GPX6: variants seen among roughly 807,000 people sequenced by gnomAD.
GPX6 encodes the protein glutathione peroxidase 6, also known as glutathione peroxidase 6 (olfactory).
GPX6 carries 21 observed loss-of-function variants against 20.0 expected under a neutral mutation model. The ratio of observed to expected loss-of-function variants is 1.05; its 90% CI spans 0.74 to 1.51. The LOEUF is 1.51. GPX6 is among the 40% of genes most tolerant of loss of function. The pLI is 0.00. For synonymous variants in GPX6, 75 were observed against 98.0 expected (o/e 0.77, Z 1.38); for missense variants, 233 against 254.7 (o/e 0.91, Z 0.58).
At chr6:28,512,689 A>C (rs1453288787) in intron 1 of GPX6, among the ~76,000 whole-genome samples, 1 of 152,128 alleles carries the variant, frequency 6.6e-6, no homozygotes, top group Non-Finnish European at 1.5e-5. Context: ...CTTTGCAATA[A>C]GTCTTGCTGC....
chr6:28,510,607 G>T, intron 2 of GPX6, 144 bp downstream of exon 2: 1 of 701,382 alleles, frequency 1.4e-6, no homozygotes, highest in Non-Finnish European at 2.3e-6. Context: ...AAGGAGCAGA[G>T]CAGGAGCAGC....
intron 2 of GPX6, 90 bp downstream of exon 2, chr6:28,510,661 C>A: frequency 5.3e-6 from 7 of 1,331,982 alleles, no homozygotes; most frequent in Non-Finnish European, 7.3e-6. Context: ...CCATCGCATC[C>A]TCCAATAACA....
At chr6:28,508,560 C>G (rs1226100765) in intron 2 of GPX6, among the ~76,000 whole-genome samples, 1 of 151,898 alleles carries the variant, frequency 6.6e-6, no homozygotes, top group African/African-American at 2.4e-5. Context: ...AATCCCAGCA[C>G]TTTGGGAGAT....
At chr6:28,512,254 G>A (rs1456369908) in intron 1 of GPX6, among the ~76,000 whole-genome samples, 1 of 152,268 alleles carries the variant, frequency 6.6e-6, no homozygotes, top group Admixed American at 6.5e-5. Context: ...GGGCTCCTGA[G>A]TCTGGTGGGG....
chr6:28,512,685 A>G (rs1762911455), intron 1 of GPX6, among the ~76,000 whole-genome samples: 1 of 152,140 alleles, frequency 6.6e-6, no homozygotes, highest in South Asian at 2.1e-4. Flanking sequence ...CGCTCTTTGC[A>G]ATAAGTCTTG....
chr6:28,513,593 AAAG>A (rs1424093162), intron 1 of GPX6, among the ~76,000 whole-genome samples: 1 of 152,208 alleles, frequency 6.6e-6, no homozygotes, highest in African/African-American at 2.4e-5. Flanking sequence ...CTCATGAATT[AAAG>A]TTCATAAAAT....
intron 1 of GPX6, among the ~76,000 whole-genome samples, chr6:28,512,807 G>A (rs1266091012): frequency 1.3e-5 from 2 of 152,064 alleles, no homozygotes; most frequent in Non-Finnish European, 2.9e-5. Flanking sequence ...CGGGAGGAAT[G>A]AACAACTCCA....
chr6:28,511,718 G>A (rs914846313), intron 1 of GPX6, among the ~76,000 whole-genome samples: 19 of 152,250 alleles, frequency 1.2e-4, no homozygotes, highest in African/African-American at 4.1e-4. Context: ...CGCCTCCTCG[G>A]CCTTGGCGCC....
At chr6:28,512,280 A>G (rs1762895186) in intron 1 of GPX6, among the ~76,000 whole-genome samples, 1 of 152,204 alleles carries the variant, frequency 6.6e-6, no homozygotes, top group Non-Finnish European at 1.5e-5. Flanking sequence ...GAGAACCTTT[A>G]TGTCTAGCTA....
intron 2 of GPX6, 68 bp from the exon 3 acceptor site, chr6:28,506,497 C>G (rs1762808000): frequency 1.2e-6 from 1 of 834,502 alleles, no homozygotes. Context: ...TGAAAGATCA[C>G]TGAATGTATC....
intron 1 of GPX6, among the ~76,000 whole-genome samples, chr6:28,512,451 CTG>C (rs746359732): frequency 3.0e-5 from 4 of 131,956 alleles, no homozygotes; most frequent in Non-Finnish European, 4.9e-5. Context: ...TGTGGACACT[CTG>C]TATCTAGCTA....
At chr6:28,511,334 A>C (rs1448180164) in intron 1 of GPX6, among the ~76,000 whole-genome samples, 1 of 152,214 alleles carries the variant, frequency 6.6e-6, no homozygotes, top group Non-Finnish European at 1.5e-5. Context: ...CCTGTCCCCC[A>C]AAATCAGGCC....
chr6:28,504,466 GC>G lies in GPX6; in HGVS notation c.491del (p.Gly164AlafsTer?), dbSNP rs778611138. The part of the protein sequence containing the change: ...NSCPPTSDLL[G>X]SSSQLFWEPM... The stretch of plus-strand genomic sequence containing the variant: ...GCTCCCAGAAGAGTTGGCTTGATGA[GC>G]CCAAAAGATCAGAGGTCGGAGGGCA... On this transcript the variant is annotated frameshift_variant, in exon 5 of 5. Coordinates refer to ENST00000361902, the MANE Select transcript of GPX6 (RefSeq NM_182701.1). LOFTEE classifies it high-confidence loss of function. 42 of 1,614,000 alleles carry G rather than the reference GC, an allele frequency of 2.6e-5. No individual in the cohort carries two copies. Among genetic ancestry groups the G allele is most frequent in the Non-Finnish European group, 3.5e-5 (41 of 1,180,040 alleles).
Position 28,505,715 on chromosome 6 carries a change from A to G in GPX6, c.447T>C (p.Phe149=). The G allele has an allele frequency of 1.2e-6, 2 of 1,613,612 alleles. No homozygotes were observed. The highest frequency in any genetic ancestry group is 1.7e-6 in the Non-Finnish European group (2 of 1,179,518). ...TATACTCATGCACCTTCAGGAAAGT[A>G]AAGACCTTCTGTTCTTTTTCTCCAT... The part of the protein sequence containing the change: ...DVNGEKEQKV[F]TFLKNSCPPT... The change falls in exon 4 of 5, where the codon TTT becomes TTC. Residue 149 remains phenylalanine (F), a synonymous_variant. Coordinates refer to ENST00000361902, the MANE Select transcript of GPX6 (RefSeq NM_182701.1).
intron 2 of GPX6, among the ~76,000 whole-genome samples, chr6:28,510,129 C>G (rs1762846916): frequency 6.6e-6 from 1 of 152,168 alleles, no homozygotes; most frequent in Non-Finnish European, 1.5e-5. Flanking sequence ...CATGATGAAT[C>G]AAGGCAAAAA....
intron 1 of GPX6, among the ~76,000 whole-genome samples, chr6:28,511,812 C>G (rs1762881804): frequency 6.6e-6 from 1 of 152,264 alleles, no homozygotes; most frequent in Admixed American, 6.5e-5. Context: ...CCGGAGCCGG[C>G]CCCCTCAGCT....
chr6:28,510,767 C>G lies in GPX6; in HGVS notation c.225G>C (p.Leu75Phe), dbSNP rs1762856035. 1 of 1,613,610 alleles carries G rather than the reference C, an allele frequency of 6.2e-7. No homozygotes were observed. Residue 75 changes from leucine (L) to phenylalanine (F), a missense_variant, in exon 2 of 5, where the codon TTG becomes TTC. Transcript: ENST00000361902. ...AGTTCTTACCAGGATACTGAGCTGCCAAGCCTCAATAGGCGGCCACATTGA... is the reference window on the plus strand; with the variant it reads ...AGTTCTTACCAGGATACTGAGCTGCGAAGCCTCAATAGGCGGCCACATTGA... ...LFVNVAAYUG[L>F]AAQYPELNAL...
rs549234483 is a variant in GPX6, at chr6:28,504,199, G to A, written c.*93C>T. 3.6e-5 allele frequency: 46 copies of A among 1,281,564 alleles called. No homozygotes were observed. The African/African-American group carries it at 5.2e-4, about 15-fold the overall frequency. 79.4% of individuals were successfully genotyped at this position (1,281,564 alleles called of 1,614,324 possible). A position where few individuals can be genotyped will look rare whatever the true frequency, so the allele number is the denominator to read the frequency against. ...TCATCAGGAGGCTGGGTAGGCACGA[G>A]TGTGGAGCAAAGAAGGAGGAAGATG... On this transcript the variant is annotated 3_prime_UTR_variant, in exon 5 of 5. Coordinates refer to ENST00000361902, the MANE Select transcript of GPX6 (RefSeq NM_182701.1).
chr6:28,513,006 A>G (rs773315894), intron 1 of GPX6, among the ~76,000 whole-genome samples: 3 of 152,160 alleles, frequency 2.0e-5, no homozygotes, highest in Non-Finnish European at 4.4e-5. Flanking sequence ...TTCATTCTTG[A>G]AGTCAGTGAG....
Sources: allele counts gnomAD v4.1 joint callset (sites outside exome capture counted in the v4.1 genomes callset), GRCh38; gene constraint gnomAD v4.1.1; transcripts MANE v1.5; gene names NCBI Gene and HGNC (gene_info 2026-07-23, HGNC 2026-07-21).